FHIT: variants seen among roughly 807,000 people sequenced by gnomAD.
FHIT encodes the protein bis(5'-adenosyl)-triphosphatase.
Under a neutral mutation model 17.9 loss-of-function variants are expected in FHIT, and 19 were observed. That is an observed-to-expected ratio of 1.06 (90% CI 0.74 to 1.56). The LOEUF (loss-of-function observed/expected upper bound fraction) is 1.56. Ranked by LOEUF, FHIT falls within the 40% of genes most tolerant of loss-of-function variation. FHIT has a pLI of 0.00. For synonymous variants in FHIT, 81 were observed against 69.7 expected, an observed-to-expected ratio of 1.16 and a Z score of -0.81; for missense variants, 248 against 189.2, an observed-to-expected ratio of 1.31 and a Z score of -1.82.
At chr3:60,741,764 G>A (rs1553713930) in intron 4 of FHIT, among the ~76,000 whole-genome samples, 3 of 152,196 alleles carry the variant, frequency 2.0e-5, no homozygotes, top group Admixed American at 2.0e-4. Context: ...TCAGGCACAA[G>A]TGGGGATGGC....
At chr3:61,148,207 C>T (rs762157580) in intron 2 of FHIT, among the ~76,000 whole-genome samples, 1 of 152,012 alleles carries the variant, frequency 6.6e-6, no homozygotes, top group African/African-American at 2.4e-5. Context: ...GAATTATTTT[C>T]TCTCTATGGT....
intron 1 of FHIT, among the ~76,000 whole-genome samples, chr3:61,225,981 G>A (rs1217003840): frequency 6.6e-6 from 1 of 152,208 alleles, no homozygotes; most frequent in African/African-American, 2.4e-5. Flanking sequence ...GAGCAGTCAA[G>A]TGTTATTTAT....
At chr3:60,163,206 C>T (rs1050407307) in intron 5 of FHIT, among the ~76,000 whole-genome samples, 1 of 152,090 alleles carries the variant, frequency 6.6e-6, no homozygotes, top group Non-Finnish European at 1.5e-5. Context: ...CCAAACTCAC[C>T]CAGGTCCTAA....
chr3:60,049,987 G>T (rs1377607182), intron 5 of FHIT, among the ~76,000 whole-genome samples: 1 of 152,056 alleles, frequency 6.6e-6, no homozygotes, highest in Non-Finnish European at 1.5e-5. Context: ...TGGTCAACTT[G>T]GTGGTTATAG....
chr3:60,453,724 T>C lies in FHIT; in HGVS notation c.103+83136A>G, dbSNP rs192797489. Among the ~76,000 whole-genome samples, 506 of 152,314 alleles carry C rather than the reference T, an allele frequency of 3.3e-3. 3 individuals are homozygous for C. Among genetic ancestry groups the C allele is most frequent in the Admixed American group, 5.6e-3 (86 of 15,298 alleles). The stretch of plus-strand genomic sequence containing the variant: ...CACAAGTTGTGAGGTTCAAATGAGA[T>C]GACGATGCAAATCTGGCACATAGTA... On this transcript the variant is annotated intron_variant, in intron 5 of 9. Coordinates refer to ENST00000492590, the MANE Select transcript of FHIT (RefSeq NM_002012.4).
intron 7 of FHIT, among the ~76,000 whole-genome samples, chr3:59,930,674 A>G (rs1190367562): frequency 6.6e-6 from 1 of 152,204 alleles, no homozygotes; most frequent in African/African-American, 2.4e-5. Flanking sequence ...ATTTATTACT[A>G]AAACAAACAA....
At chr3:60,383,349 T>C (rs1700883397) in intron 5 of FHIT, among the ~76,000 whole-genome samples, 1 of 152,110 alleles carries the variant, frequency 6.6e-6, no homozygotes, top group Non-Finnish European at 1.5e-5. Context: ...AATTAGGTAT[T>C]TCCAAATCGC....
chr3:60,647,534 C>G (rs1347631702), intron 4 of FHIT, among the ~76,000 whole-genome samples: 2 of 152,094 alleles, frequency 1.3e-5, no homozygotes, highest in African/African-American at 2.4e-5. Context: ...CAGGTTTATC[C>G]CTGGTTGTCC....
At chr3:60,844,359 T>C (rs1223806454) in intron 3 of FHIT, among the ~76,000 whole-genome samples, 2 of 151,926 alleles carry the variant, frequency 1.3e-5, no homozygotes, top group Non-Finnish European at 2.9e-5. Flanking sequence ...CTTAGGTATT[T>C]CATAAAATCA....
At position 60,088,053 on chromosome 3, in the gene FHIT, C is replaced by CA. The variant is rs60890883; in HGVS notation, c.104-73902dup. ...CTGAGGGCCCCTGGCTGCTTACACT[C>CA]ATGGTGGAAGATGAAAGGGAGCTTA... is the stretch of plus-strand genomic sequence containing the variant. On this transcript the variant is annotated intron_variant, in intron 5 of 9. Coordinates refer to ENST00000492590, the MANE Select transcript of FHIT (RefSeq NM_002012.4). Among the ~76,000 whole-genome samples, 601 of 152,306 alleles carry CA rather than the reference C, an allele frequency of 3.9e-3. 2 individuals are homozygous for CA. The highest frequency in any genetic ancestry group is 0.014 in the African/African-American group (567 of 41,580).
At chr3:60,263,373 T>A (rs893591994) in intron 5 of FHIT, among the ~76,000 whole-genome samples, 3 of 152,012 alleles carry the variant, frequency 2.0e-5, no homozygotes, top group Admixed American at 6.6e-5. Flanking sequence ...TGCAAACATA[T>A]TCTCCAATAG....
intron 2 of FHIT, among the ~76,000 whole-genome samples, chr3:61,124,456 T>C (rs937442478): frequency 2.0e-5 from 3 of 152,134 alleles, no homozygotes; most frequent in Non-Finnish European, 4.4e-5. Context: ...GTTCTAATTG[T>C]AGTGTTTGTC....
chr3:60,702,052 A>G (rs9816956), intron 4 of FHIT, among the ~76,000 whole-genome samples: 17,757 of 152,140 alleles, frequency 0.12, 2,298 homozygotes, highest in African/African-American at 0.32. Flanking sequence ...TTATACAGAC[A>G]GGGTTTCGCC....
chr3:61,073,796 A>G (rs1296624255), intron 2 of FHIT, among the ~76,000 whole-genome samples: 1 of 152,188 alleles, frequency 6.6e-6, no homozygotes, highest in African/African-American at 2.4e-5. Context: ...AATGACTAGC[A>G]ATTTAAATAA....
chr3:60,912,274 G>A (rs937344117), intron 3 of FHIT, among the ~76,000 whole-genome samples: 2 of 152,172 alleles, frequency 1.3e-5, no homozygotes, highest in Non-Finnish European at 2.9e-5. Context: ...AGTGGTGGGG[G>A]TAAACGTGGC....
At chr3:60,159,636 G>C (rs1158641472) in intron 5 of FHIT, among the ~76,000 whole-genome samples, 1 of 152,108 alleles carries the variant, frequency 6.6e-6, no homozygotes, top group Non-Finnish European at 1.5e-5. Context: ...CCACACACCA[G>C]GCATTGCTTT....
intron 3 of FHIT, among the ~76,000 whole-genome samples, chr3:60,901,298 T>C (rs1553763124): frequency 6.6e-6 from 1 of 152,200 alleles, no homozygotes; most frequent in Non-Finnish European, 1.5e-5. Context: ...GATCACTAAG[T>C]ATGTTGACAT....
At chr3:59,970,352 A>G (rs559627456) in intron 7 of FHIT, among the ~76,000 whole-genome samples, 2 of 152,270 alleles carry the variant, frequency 1.3e-5, no homozygotes, top group African/African-American at 4.8e-5. Context: ...AATCGTAAAG[A>G]GGCACCAATG....
At chr3:60,789,826 T>C (rs1700716265) in intron 4 of FHIT, among the ~76,000 whole-genome samples, 1 of 152,230 alleles carries the variant, frequency 6.6e-6, no homozygotes, top group Non-Finnish European at 1.5e-5. Flanking sequence ...AATTATACTG[T>C]TAATAATTCA....
Sources: gnomAD v4.1 joint callset for allele counts (sites outside exome capture counted in the v4.1 genomes callset) on GRCh38, gnomAD v4.1.1 for gene constraint, MANE v1.5 for transcripts, NCBI Gene and HGNC (gene_info 2026-07-23, HGNC 2026-07-21) for gene names.